The following SYNPO variants were observed in gnomAD, a reference collection of about 807,000 sequenced individuals.
SYNPO encodes the protein synaptopodin.
A neutral mutation model predicts 49.5 loss-of-function variants in SYNPO; 19 were observed. The ratio of observed to expected loss-of-function variants is 0.38; its 90% CI spans 0.27 to 0.56. SYNPO has a LOEUF of 0.56. Among genes scored for constraint, SYNPO ranks in the 20% least tolerant of loss-of-function variants. The pLI is 0.68. For missense variants in SYNPO, 1,131 were observed against 1,248.3 expected (o/e 0.91, Z 1.42); for synonymous variants, 536 against 548.0 (o/e 0.98, Z 0.31).
chr5:150,627,141 A>C (rs1757383329), intron 2 of SYNPO, among the ~76,000 whole-genome samples: 1 of 152,120 alleles, frequency 6.6e-6, no homozygotes, highest in South Asian at 2.1e-4. Context: ...TCTAGACATG[A>C]GCTCATCGGA....
At position 150,633,078 on chromosome 5, in the gene SYNPO, G is replaced by T. The variant is rs57148465; in HGVS notation, c.400+14311G>T. On this transcript the variant is annotated intron_variant, in intron 2 of 2. Coordinates refer to the SYNPO transcript ENST00000394243. ...GCTGCTTTGGCCATATCATTTCCTT[G>T]CATCATGCATTCAGCATATATTTAT... Among the ~76,000 whole-genome samples the T allele has an allele frequency of 0.014, 2,206 of 152,258 alleles. 105 individuals are homozygous for T. The East Asian group carries it at 0.19, about 13-fold the overall frequency.
chr5:150,644,139 C>A (rs1166399756), intron 1 of SYNPO, among the ~76,000 whole-genome samples: 2 of 150,376 alleles, frequency 1.3e-5, no homozygotes, highest in African/African-American at 4.9e-5. Context: ...GGTGCCACTG[C>A]CCTCCAGCGA....
intron 2 of SYNPO, among the ~76,000 whole-genome samples, chr5:150,627,261 A>G (rs912401849): frequency 2.0e-5 from 3 of 152,172 alleles, no homozygotes; most frequent in African/African-American, 4.8e-5. Context: ...GAGGCCCTGC[A>G]GGCTCTGGTC....
chr5:150,598,979 G>A (rs563285888), upstream of SYNPO, among the ~76,000 whole-genome samples: 6 of 152,326 alleles, frequency 3.9e-5, no homozygotes, highest in Non-Finnish European at 8.8e-5. Flanking sequence ...ACCTGCTGTC[G>A]GTTTATTGCA....
the SYNPO span, among the ~76,000 whole-genome samples, chr5:150,594,831 G>C: frequency 5.6e-4 from 86 of 152,306 alleles, no homozygotes; most frequent in African/African-American, 2.0e-3. Context: ...GCACAGCAAG[G>C]TAATGGTCGA....
exon 2 of SYNPO, chr5:150,618,430 C>T (rs560457402): frequency 2.3e-5 from 36 of 1,551,636 alleles, no homozygotes; most frequent in Middle Eastern, 1.7e-4. Context: ...CTACCCCCTG[C>T]GCCTTCCAGA....
chr5:150,644,920 G>C (rs1348491139), intron 1 of SYNPO, among the ~76,000 whole-genome samples: 1 of 152,202 alleles, frequency 6.6e-6, no homozygotes, highest in Non-Finnish European at 1.5e-5. Context: ...GGGTGGGATA[G>C]GCTGTGTGCT....
intron 2 of SYNPO, chr5:150,650,565 GGGA>G (rs1439710790): frequency 1.5e-5 from 22 of 1,459,414 alleles, no homozygotes; most frequent in Non-Finnish European, 1.9e-5. Context: ...TGTCTGAGCG[GGGA>G]GGAGGGTCAT....
At chr5:150,610,516 T>G (rs1756817335) in intron 1 of SYNPO, among the ~76,000 whole-genome samples, 1 of 152,208 alleles carries the variant, frequency 6.6e-6, no homozygotes, top group Non-Finnish European at 1.5e-5. Context: ...ATAATGTTAT[T>G]GTGAGGAAGA....
At chr5:150,598,018 G>A (rs528963738), upstream of SYNPO, among the ~76,000 whole-genome samples, 1 of 152,274 alleles carries the variant, frequency 6.6e-6, no homozygotes, top group South Asian at 2.1e-4. Context: ...AAACTTCCCT[G>A]TATCAGAAAC....
Position 150,649,023 on chromosome 5 carries a change from G to T in SYNPO, c.748G>T (p.Gly250Cys), listed in dbSNP as rs1328204131. The change falls in exon 2 of 3, where the codon GGC (glycine) becomes TGC (cysteine). Residue 250 changes from glycine (G) to cysteine (C), a missense_variant. Coordinates refer to ENST00000307662, the MANE Select transcript of SYNPO (RefSeq NM_007286.6). ...ARPFGIQAPG[G>C]TSQMERSPML... ...GCCTTTTGGGATCCAGGCGCCAGGG[G>T]GCACCAGCCAGATGGAGAGGAGCCC... 1.2e-6 allele frequency: 2 copies of T among 1,614,196 alleles called. No individual in the cohort carries two copies. Among genetic ancestry groups the T allele is most frequent in the Non-Finnish European group, 1.7e-6 (2 of 1,180,032 alleles).
chr5:150,650,882 A>G (rs1008487200), intron 2 of SYNPO: 1 of 1,256,570 alleles, frequency 8.0e-7, no homozygotes, highest in African/African-American at 1.6e-5. Flanking sequence ...CCTTCTGGAC[A>G]CCGTTTCCTC....
intron 2 of SYNPO, chr5:150,652,414 A>C: frequency 1.0e-6 from 1 of 986,042 alleles, no homozygotes; most frequent in Non-Finnish European, 1.2e-6. Flanking sequence ...TAGCCTGGGA[A>C]GTGGAGTGGG....
At chr5:150,594,785 C>T in the SYNPO span, among the ~76,000 whole-genome samples, 2 of 152,146 alleles carry the variant, frequency 1.3e-5, no homozygotes, top group South Asian at 4.1e-4. Context: ...GATGATAAAA[C>T]TGAGGCTCAG....
At chr5:150,599,036 TGG>T (rs553873289), upstream of SYNPO, among the ~76,000 whole-genome samples, 243 of 152,326 alleles carry the variant, frequency 1.6e-3, 1 homozygote, top group African/African-American at 5.1e-3. Flanking sequence ...AAGCTGATTC[TGG>T]GGCCGGATGC....
In SYNPO at chr5:150,647,952, C is replaced by A; in HGVS notation, c.-324C>A. 1 of 1,551,530 alleles carries A rather than the reference C, an allele frequency of 6.4e-7. No individual in the cohort carries two copies. The highest frequency in any genetic ancestry group is 8.7e-7 in the Non-Finnish European group (1 of 1,146,758). On this transcript the variant is annotated 5_prime_UTR_variant, in exon 2 of 3. Coordinates refer to ENST00000307662, the MANE Select transcript of SYNPO (RefSeq NM_007286.6). ...TTTGTCCCTCCCTGTAGCGTTGGGC[C>A]GGAGCACTAGCCTCACGGAGAAGGA...
chr5:150,592,591 A>C, the SYNPO span, among the ~76,000 whole-genome samples: 5 of 152,244 alleles, frequency 3.3e-5, no homozygotes, highest in African/African-American at 1.2e-4. Context: ...GGCTCCATGC[A>C]GGAGAAGGAG....
intron 2 of SYNPO, among the ~76,000 whole-genome samples, chr5:150,621,573 C>T (rs1205728286): frequency 1.3e-5 from 2 of 152,162 alleles, no homozygotes; most frequent in Non-Finnish European, 2.9e-5. Context: ...AGCTTCCTGC[C>T]ATTACCGCCG....
chr5:150,618,071 A>T (rs781115218), intron 1 of SYNPO: 73 of 301,074 alleles, frequency 2.4e-4, no homozygotes, highest in Non-Finnish European at 4.1e-4. Flanking sequence ...GAGCTTTCTC[A>T]TGTGCTGTTT....
Sources: allele counts gnomAD v4.1 joint callset (sites outside exome capture counted in the v4.1 genomes callset), GRCh38; gene constraint gnomAD v4.1.1; transcripts MANE v1.5; gene names NCBI Gene and HGNC (gene_info 2026-07-23, HGNC 2026-07-21).